MMP26: variants seen among roughly 807,000 people sequenced by gnomAD.
The protein encoded by MMP26 is matrix metalloproteinase-26.
In MMP26, 33 loss-of-function variants were observed where a neutral mutation model predicts 31.0. The ratio of observed to expected loss-of-function variants is 1.06; its 90% confidence interval spans 0.81 to 1.42. The LOEUF is 1.42. Among genes scored for constraint, MMP26 ranks in the 40% most tolerant of loss-of-function variants. The probability of loss-of-function intolerance (pLI) is 0.00; values close to 1 mark genes in which losing one functional copy is unlikely to be tolerated. For missense variants in MMP26, 347 were observed against 316.1 expected (o/e 1.10, Z -0.74); for synonymous variants, 122 against 114.9 (o/e 1.06, Z -0.40).
chr11:4,879,256 G>T (rs1047689533), intron 2 of MMP26, among the ~76,000 whole-genome samples: 2 of 151,988 alleles, frequency 1.3e-5, no homozygotes, highest in Non-Finnish European at 2.9e-5. Context: ...AGTACAAAAA[G>T]CCAGGGTAGA....
At chr11:4,843,131 G>C (rs1397920244) in intron 2 of MMP26, among the ~76,000 whole-genome samples, 1 of 152,206 alleles carries the variant, frequency 6.6e-6, no homozygotes, top group African/African-American at 2.4e-5. Flanking sequence ...TGCTTTCACA[G>C]GCTGGCTTTG....
chr11:4,893,605 T>C (rs930646653), intron 2 of MMP26, among the ~76,000 whole-genome samples: 1 of 152,218 alleles, frequency 6.6e-6, no homozygotes, highest in Non-Finnish European at 1.5e-5. Flanking sequence ...AGCAGTCTTA[T>C]CTATTTAAGT....
At chr11:4,881,937 A>G (rs1404912791) in intron 2 of MMP26, 1 of 1,613,716 alleles carries the variant, frequency 6.2e-7, no homozygotes, top group African/African-American at 1.3e-5. Context: ...TCTTCCTCAA[A>G]CTTCCTCCTC....
At chr11:4,893,103 C>T (rs1043262776) in intron 2 of MMP26, among the ~76,000 whole-genome samples, 17 of 151,922 alleles carry the variant, frequency 1.1e-4, no homozygotes, top group African/African-American at 4.1e-4. Context: ...ATGTTTAATG[C>T]CCTTCTTTTT....
At chr11:4,709,885 T>C in intron 1 of MMP26, 1 of 457,020 alleles carries the variant, frequency 2.2e-6, no homozygotes. Flanking sequence ...ATGTTCTTTA[T>C]CCATGGCTTC....
At chr11:4,847,923 G>A (rs978379621) in intron 2 of MMP26, 6 of 276,750 alleles carry the variant, frequency 2.2e-5, no homozygotes, top group Admixed American at 2.0e-4. Context: ...CAGTATTAAG[G>A]TATAGATATA....
chr11:4,855,348 A>G (rs1850034962), intron 2 of MMP26, among the ~76,000 whole-genome samples: 1 of 152,220 alleles, frequency 6.6e-6, no homozygotes, highest in South Asian at 2.1e-4. Context: ...ATGGCTAACT[A>G]GGATAAACAG....
chr11:4,929,182 A>T (rs991317470), intron 2 of MMP26, among the ~76,000 whole-genome samples: 5 of 152,080 alleles, frequency 3.3e-5, no homozygotes, highest in African/African-American at 1.2e-4. Flanking sequence ...TTTAATTATT[A>T]TTATTATACT....
chr11:4,737,667 CACAAAA>C (rs1196216318), intron 1 of MMP26, among the ~76,000 whole-genome samples: 1 of 140,658 alleles, frequency 7.1e-6, no homozygotes, highest in Non-Finnish European at 1.6e-5. Context: ...CAAACACAAA[CACAAAA>C]ACAAAAAAAC....
rs116762149 is a variant in MMP26 at position 4,846,527 on chromosome 11, C to T, written c.-145+79186C>T. 5.7e-3 allele frequency among the ~76,000 whole-genome samples: 872 copies of T among 152,152 alleles called. 11 individuals are homozygous for T. The highest frequency in any genetic ancestry group is 0.02 in the African/African-American group (838 of 41,508). On this transcript the variant is annotated intron_variant, in intron 2 of 7. Coordinates refer to ENST00000380390, the MANE Select transcript of MMP26 (RefSeq NM_021801.5). ...TGACTCTAGTCAATAATAACTTAAT[C>T]ACACGTTTTAAGATATCTAAAGGAA...
At chr11:4,817,481 G>A (rs1849437610) in intron 2 of MMP26, among the ~76,000 whole-genome samples, 1 of 152,106 alleles carries the variant, frequency 6.6e-6, no homozygotes, top group African/African-American at 2.4e-5. Flanking sequence ...AAGTTGCTAG[G>A]GATGCTGAGG....
intron 2 of MMP26, chr11:4,937,425 G>C (rs1035302159): frequency 6.6e-6 from 1 of 152,320 alleles, no homozygotes; most frequent in Non-Finnish European, 1.5e-5. Flanking sequence ...AGTACACGAT[G>C]GGATTCAACA....
Position 4,970,440 on chromosome 11 carries a change from ACCCTTTC to A in MMP26, c.-144-17624_-144-17618del, listed in dbSNP as rs568675266. Among the ~76,000 whole-genome samples the A allele has an allele frequency of 3.3e-5, 5 of 152,220 alleles. No individual in the cohort carries two copies. In the East Asian group the frequency reaches 9.7e-4, roughly 29 times the overall value. On this transcript the variant is annotated intron_variant, in intron 2 of 7. Transcript: ENST00000380390. ...AAAATATCCAGTCTATTTTCAGTTA[ACCCTTTC>A]CCCCTCTTTCTGCCTCAGATGATTG...
intron 2 of MMP26, chr11:4,803,671 C>A: frequency 6.2e-7 from 1 of 1,613,806 alleles, no homozygotes; most frequent in South Asian, 1.1e-5. Context: ...AGCTTTGAGG[C>A]GGGCTTCACC....
chr11:4,942,125 A>ACTC (rs1846219869), intron 2 of MMP26, among the ~76,000 whole-genome samples: 1 of 150,510 alleles, frequency 6.6e-6, no homozygotes, highest in African/African-American at 2.4e-5. Context: ...GTAAAACCCT[A>ACTC]CTCAGACTGC....
rs577063167 is a variant in MMP26, at chr11:4,744,089, C to T, written c.-216-23181C>T. On this transcript the variant is annotated intron_variant, in intron 1 of 7. Transcript: ENST00000380390. ...TGCTGGGATTAAAAGTGTGAGCCAC[C>T]GTGCCTAGCAGGACTATTCTTACTC... 2.6e-5 allele frequency among the ~76,000 whole-genome samples: 4 copies of T among 152,192 alleles called. No homozygotes were observed. In the East Asian group the frequency reaches 5.8e-4, roughly 22 times the overall value.
At chr11:4,850,314 T>G (rs1482594284) in intron 2 of MMP26, among the ~76,000 whole-genome samples, 1 of 152,184 alleles carries the variant, frequency 6.6e-6, no homozygotes, top group Non-Finnish European at 1.5e-5. Flanking sequence ...AATGCCTCTT[T>G]CAGAGTCATC....
intron 2 of MMP26, among the ~76,000 whole-genome samples, chr11:4,837,166 T>C (rs12801368): frequency 0.097 from 14,707 of 152,154 alleles, 845 homozygotes; most frequent in Middle Eastern, 0.16. Flanking sequence ...TATTTTGTCA[T>C]TATTTTTAAT....
At chr11:4,903,209 G>A (rs1417773138) in intron 2 of MMP26, among the ~76,000 whole-genome samples, 1 of 152,044 alleles carries the variant, frequency 6.6e-6, no homozygotes, top group Non-Finnish European at 1.5e-5. Context: ...TCTAGTGAAT[G>A]CAATATAATG....
Sources: allele counts gnomAD v4.1 joint callset (sites outside exome capture counted in the v4.1 genomes callset), GRCh38; gene constraint gnomAD v4.1.1; transcripts MANE v1.5; gene names NCBI Gene and HGNC (gene_info 2026-07-23, HGNC 2026-07-21).